Variants in EXOC3L1 observed in about 807,000 individuals in gnomAD.
The protein encoded by EXOC3L1 is exocyst complex component 3 like 1, also known as exocyst complex component 3-like protein.
EXOC3L1 carries 79 observed loss-of-function variants against 83.6 expected under a neutral mutation model. The ratio of observed to expected loss-of-function variants is 0.95; its 90% CI spans 0.79 to 1.14. The LOEUF (loss-of-function observed/expected upper bound fraction) is 1.14, where lower values mean the gene tolerates loss of function less well. Ranked by LOEUF, EXOC3L1 falls within the 50% of genes most tolerant of loss-of-function variation. The probability of loss-of-function intolerance (pLI) is 0.00; values close to 1 mark genes in which losing one functional copy is unlikely to be tolerated. For missense variants in EXOC3L1, 945 were observed against 972.0 expected, an observed-to-expected ratio of 0.97 and a Z score of 0.37; for synonymous variants, 433 against 451.2, an observed-to-expected ratio of 0.96 and a Z score of 0.51.
chr16:67,189,794 G>T, intron 1 of EXOC3L1, 111 bp from the exon 2 acceptor site: 1 of 1,096,976 alleles, frequency 9.1e-7, no homozygotes, highest in Non-Finnish European at 1.3e-6. Flanking sequence ...GGTTCTTCCC[G>T]GCCCCCTCGG....
In EXOC3L1 at chr16:67,184,751, G is replaced by A. The variant is rs1358438247; in HGVS notation, c.1965C>T (p.Asn655=). The A allele has an allele frequency of 6.3e-7, 1 of 1,592,522 alleles. No homozygotes were observed. The highest frequency in any genetic ancestry group is 8.5e-7 in the Non-Finnish European group (1 of 1,173,994). ...GGCCCAGCAGCGCGGGGTCGCGGAG[G>A]TTTAGCAGCTCCCTCAGGGCGAGCA... ...PVLLALRELL[N]LRDPALLGLE... The change falls in exon 13 of 14, where the codon AAC becomes AAT. Residue 655 remains asparagine, a synonymous_variant. Coordinates refer to ENST00000314586, the MANE Select transcript of EXOC3L1 (RefSeq NM_178516.4).
chr16:67,189,164 C>T lies in EXOC3L1; in HGVS notation c.63G>A (p.Glu21=), dbSNP rs1156777217. 1.9e-6 allele frequency: 3 copies of T among 1,601,380 alleles called. No homozygotes were observed. In the Admixed American group the frequency reaches 5.0e-5, roughly 27 times the overall value. Residue 21 remains glutamate (E), a synonymous_variant, in exon 3 of 14, where the codon GAG becomes GAA. Coordinates refer to ENST00000314586, the MANE Select transcript of EXOC3L1 (RefSeq NM_178516.4). The part of the protein sequence containing the change: ...PALSPGPEWP[E]QERAEQLARG... The stretch of plus-strand genomic sequence containing the variant: ...GGGCCAGCTGCTCTGCCCGCTCCTG[C>T]TCTGGCCACTCAGGTCCTGGGAAGG...
Position 67,186,277 on chromosome 16 carries a change from G to T in EXOC3L1, c.1456C>A (p.Pro486Thr). The stretch of plus-strand genomic sequence containing the variant: ...TGGTTGAGGGCGGCCAGTAGGTAGG[G>T]CACGTAATGAGGGGCCATTGATTTC... ...RGKSMAPHYVPYLLAALNHKS... is the reference protein window; with the variant it reads ...RGKSMAPHYVTYLLAALNHKS... Residue 486 changes from proline (P) to threonine (T), a missense_variant, in exon 9 of 14, where the codon CCC becomes ACC. Pro to Thr is a conservative substitution (Grantham distance 38). Coordinates refer to ENST00000314586, the MANE Select transcript of EXOC3L1 (RefSeq NM_178516.4). 6.3e-7 allele frequency: 1 copy of T among 1,578,956 alleles called. No homozygotes were observed. The highest frequency in any genetic ancestry group is 8.6e-7 in the Non-Finnish European group (1 of 1,161,478).
In EXOC3L1 at chr16:67,187,582, T is replaced by G; in HGVS notation, c.683A>C (p.Glu228Ala). Residue 228 changes from glutamate (E) to alanine (A), a missense_variant, in exon 5 of 14, where the codon GAG becomes GCG. By Grantham distance (107) the Glu-to-Ala change is moderately radical. Coordinates refer to ENST00000314586, the MANE Select transcript of EXOC3L1 (RefSeq NM_178516.4). The part of the protein sequence containing the change: ...ALLVAAVRVA[E>A]VETGRTTPLG... The stretch of plus-strand genomic sequence containing the variant: ...GGGGGTTGTTCGTCCAGTCTCCACC[T>G]CCGCCACACGCACAGCAGCCACCAA... The G allele has an allele frequency of 6.2e-7, 1 of 1,605,698 alleles. No homozygotes were observed. The highest frequency in any genetic ancestry group is 8.5e-7 in the Non-Finnish European group (1 of 1,178,716).
At position 67,187,122 on chromosome 16, in the gene EXOC3L1, T is replaced by G. The variant is rs200006692; in HGVS notation, c.1057A>C (p.Ser353Arg). The G allele has an allele frequency of 5.0e-6, 8 of 1,613,118 alleles. No homozygotes were observed. Among genetic ancestry groups the G allele is most frequent in the Non-Finnish European group, 6.8e-6 (8 of 1,179,920 alleles). ...HVYLGQEMMGSLELGPEADVS... is the reference protein window; with the variant it reads ...HVYLGQEMMGRLELGPEADVS... ...TCAGCCTCAGGCCCCAACTCCAGGC[T>G]CCCCATCATTTCCTGCCTGGAGATA... Residue 353 changes from serine to arginine, a missense_variant, in exon 6 of 14, where the codon AGC (serine) becomes CGC (arginine). Coordinates refer to ENST00000314586, the MANE Select transcript of EXOC3L1 (RefSeq NM_178516.4).
chr16:67,185,108 C>T, intron 11 of EXOC3L1, 28 bp downstream of exon 11: 1 of 1,612,912 alleles, frequency 6.2e-7, no homozygotes, highest in East Asian at 2.2e-5. Context: ...CCGCGCCGCC[C>T]CTTCCCCAAT....
rs746033071 is a variant in EXOC3L1 at position 67,184,682 on chromosome 16, G to T, written c.2030+4C>A. 36 of 1,575,716 alleles carry T rather than the reference G, an allele frequency of 2.3e-5. No individual in the cohort carries two copies. The highest frequency in any genetic ancestry group is 1.7e-4 in the Middle Eastern group (1 of 5,988). On this transcript the variant is annotated splice_donor_region_variant and intron_variant, in intron 13 of 13. Transcript: ENST00000314586. ...TCTCTTCCCTTCTGGCCCCCAGTCC[G>T]CACCTCACGTCGGGAAATTGTTGCC...
intron 4 of EXOC3L1, among the ~76,000 whole-genome samples, 176 bp from the exon 5 acceptor site, chr16:67,188,013 G>C (rs1597271164): frequency 6.6e-6 from 1 of 152,194 alleles, no homozygotes; most frequent in Admixed American, 6.5e-5. Flanking sequence ...GGAGGCCAAC[G>C]TGGGTGAATC....
Position 67,184,417 on chromosome 16 carries a change from G to A in EXOC3L1, c.2218C>T (p.Arg740Ter), listed in dbSNP as rs1021980811. 1 of 1,533,526 alleles carries A rather than the reference G, an allele frequency of 6.5e-7. No individual in the cohort carries two copies. The highest frequency in any genetic ancestry group is 1.7e-4 in the Middle Eastern group (1 of 5,972). The allele number at this position is 1,533,526 out of a possible 1,614,324, so 95.0% of individuals were successfully genotyped here. A position where few individuals can be genotyped will look rare whatever the true frequency, so the allele number is the denominator to read the frequency against. Residue 740 changes from arginine (R) to a stop codon, truncating the protein, a stop_gained, in exon 14 of 14, where the codon CGA becomes TGA. Transcript: ENST00000314586. LOFTEE classifies it high-confidence loss of function. ...GTTTATTCTGCGAGCAGCAGGGCTC[G>A]GGCGCAGGACCCCGAGGGCAGGCAG... Reference protein sequence around the residue: ...ASCLPSGSCARALLLAE With the variant: ...ASCLPSGSCA
Position 67,185,499 on chromosome 16 carries a change from A to G in EXOC3L1, c.1497-9T>C. The G allele has an allele frequency of 6.2e-7, 1 of 1,604,600 alleles. No homozygotes were observed. The highest frequency in any genetic ancestry group is 8.5e-7 in the Non-Finnish European group (1 of 1,179,720). ...GGACAGACACTGAGGAGCTGGACCA[A>G]GCAAAACTACGGCTTCAGGACCAAG... On this transcript the variant is annotated splice_polypyrimidine_tract_variant and intron_variant, in intron 9 of 13. Transcript: ENST00000314586.
At chr16:67,189,506 AC>A in intron 2 of EXOC3L1, 124 bp downstream of exon 2, 1 of 1,161,498 alleles carries the variant, frequency 8.6e-7, no homozygotes, top group Non-Finnish European at 1.3e-6. Context: ...GGAGCTCCTG[AC>A]CTCAGGTCAT....
chr16:67,186,196 G>A (rs908190853), intron 9 of EXOC3L1, 41 bp downstream of exon 9: 1 of 1,350,320 alleles, frequency 7.4e-7, no homozygotes, highest in South Asian at 1.2e-5. Flanking sequence ...TACTCAATAG[G>A]GGGTTAGTGA....
At chr16:67,189,386 C>G (rs1025969026) in intron 2 of EXOC3L1, among the ~76,000 whole-genome samples, 11 of 152,234 alleles carry the variant, frequency 7.2e-5, no homozygotes, top group Non-Finnish European at 1.2e-4. Flanking sequence ...AAGCGATTCT[C>G]CTGCCTCAGT....
chr16:67,184,716 G>C lies in EXOC3L1; in HGVS notation c.2000C>G (p.Ala667Gly), dbSNP rs2032632781. Residue 667 changes from alanine to glycine, a missense_variant, in exon 13 of 14, where the codon GCT becomes GGT. Transcript: ENST00000314586. The part of the protein sequence containing the change: ...RDPALLGLEV[A>G]GLRQQFPDVS... ...GTCGGGAAATTGTTGCCGCAGGCCAGCCACCTCCAGGCCCAGCAGCGCGGG... is the reference window on the plus strand; with the variant it reads ...GTCGGGAAATTGTTGCCGCAGGCCACCCACCTCCAGGCCCAGCAGCGCGGG... The C allele has an allele frequency of 1.9e-6, 3 of 1,580,294 alleles. No homozygotes were observed. The highest frequency in any genetic ancestry group is 2.6e-6 in the Non-Finnish European group (3 of 1,166,896).
chr16:67,185,206 A>T lies in EXOC3L1; in HGVS notation c.1679T>A (p.Leu560Gln). The T allele has an allele frequency of 1.2e-6, 2 of 1,612,982 alleles. No homozygotes were observed. Among genetic ancestry groups the T allele is most frequent in the Non-Finnish European group, 8.5e-7 (1 of 1,179,906 alleles). Residue 560 changes from leucine (L) to glutamine (Q), a missense_variant, in exon 11 of 14, where the codon CTG (leucine) becomes CAG (glutamine). Leu to Gln is a moderately radical substitution (Grantham distance 113). Transcript: ENST00000314586. Reference sequence around the variant, plus strand: ...CCCCGTCCGTTCACACACACTTTGCAGGAGCTCAGGGCTCGACAGCCATTG... The same window carrying T: ...CCCCGTCCGTTCACACACACTTTGCTGGAGCTCAGGGCTCGACAGCCATTG... ...SRQWLSSPEL[L>Q]QSVCERTGRF...
At position 67,186,358 on chromosome 16, in the gene EXOC3L1, C is replaced by A; in HGVS notation, c.1386-11G>T. Reference sequence around the variant, plus strand: ...AGAGCATCACTGAAGCTGCAATGGGCAGAGGTGGCTCCTGGACTTGCTGCT... The same window carrying A: ...AGAGCATCACTGAAGCTGCAATGGGAAGAGGTGGCTCCTGGACTTGCTGCT... On this transcript the variant is annotated splice_polypyrimidine_tract_variant and intron_variant, in intron 8 of 13. Transcript: ENST00000314586. 1.3e-6 allele frequency: 2 copies of A among 1,550,312 alleles called. No individual in the cohort carries two copies. The highest frequency in any genetic ancestry group is 1.7e-6 in the Non-Finnish European group (2 of 1,143,712).
At chr16:67,184,848 C>T in intron 12 of EXOC3L1, 38 bp from the exon 13 acceptor site, 2 of 1,608,092 alleles carry the variant, frequency 1.2e-6, no homozygotes, top group Non-Finnish European at 1.7e-6. Context: ...CCAGCCCTCT[C>T]TCCCACCCAG....
intron 4 of EXOC3L1, 78 bp from the exon 5 acceptor site, chr16:67,187,915 G>T: frequency 1.0e-5 from 15 of 1,487,198 alleles, no homozygotes; most frequent in Non-Finnish European, 1.3e-5. Flanking sequence ...GGATACTGAG[G>T]CCCAGGGCGG....
rs1454236761 is a variant in EXOC3L1 at position 67,184,539 on chromosome 16, G to A, written c.2096C>T (p.Ala699Val). The change falls in exon 14 of 14, where the codon GCG becomes GTG. Residue 699 changes from alanine (A) to valine (V), a missense_variant. Transcript: ENST00000314586. ...CAGCGCAGCCTGCAGGGAGCTGAGC[G>A]CGGCCAGGTGCTGCTCCCGGGACAA... ...GDLSREQHLA[A>V]LSSLQAALPP... The A allele has an allele frequency of 2.6e-6, 4 of 1,524,200 alleles. No homozygotes were observed. Among genetic ancestry groups the A allele is most frequent in the East Asian group, 5.0e-5 (2 of 40,122 alleles). The allele number at this position is 1,524,200 out of a possible 1,614,324, so 94.4% of individuals were successfully genotyped here. A position where few individuals can be genotyped will look rare whatever the true frequency, so the allele number is the denominator to read the frequency against.
Sources: allele counts gnomAD v4.1 joint callset (sites outside exome capture counted in the v4.1 genomes callset), GRCh38; gene constraint gnomAD v4.1.1; transcripts MANE v1.5; gene names NCBI Gene and HGNC (gene_info 2026-07-23, HGNC 2026-07-21).